Variants in PPP2R5D observed in about 807,000 individuals in gnomAD.
The protein encoded by PPP2R5D is serine/threonine-protein phosphatase 2A 56 kDa regulatory subunit delta isoform.
Under a neutral mutation model 79.1 loss-of-function variants are expected in PPP2R5D, and 12 were observed. The ratio of observed to expected loss-of-function variants is 0.15; its 90% CI spans 0.10 to 0.25. The LOEUF (loss-of-function observed/expected upper bound fraction) is 0.25. PPP2R5D is among the 10% of genes least tolerant of loss of function. The pLI, the probability that PPP2R5D is intolerant of heterozygous loss-of-function variation, is 1.00. For missense variants in PPP2R5D, 419 were observed against 760.2 expected, an observed-to-expected ratio of 0.55 and a Z score of 5.28; for synonymous variants, 277 against 286.6, an observed-to-expected ratio of 0.97 and a Z score of 0.34.
intron 2 of PPP2R5D, among the ~76,000 whole-genome samples, chr6:43,003,279 T>TG (rs1279500218): frequency 6.6e-6 from 1 of 151,838 alleles, no homozygotes; most frequent in Non-Finnish European, 1.5e-5. Context: ...AAAAAGTAGC[T>TG]GGCATGGTGG....
Position 43,004,974 on chromosome 6 carries a change from C to G in PPP2R5D, c.106-1489C>G, listed in dbSNP as rs958708829. 4.0e-5 allele frequency among the ~76,000 whole-genome samples: 6 copies of G among 151,724 alleles called. No individual in the cohort carries two copies. In the East Asian group the frequency reaches 1.2e-3, roughly 29 times the overall value. On this transcript the variant is annotated intron_variant, in intron 2 of 15. Coordinates refer to ENST00000485511, the MANE Select transcript of PPP2R5D (RefSeq NM_006245.4). The stretch of plus-strand genomic sequence containing the variant: ...CTTGCTGGCCAGCTGGTCTGGAACT[C>G]CTGACCTCAAGTGATACACCCACCT...
In PPP2R5D at chr6:43,010,097, C is replaced by A. The variant is rs1762280096; in HGVS notation, c.1380-371C>A. ...AAAAAAACTCAGGGTTTTGAAAAGA[C>A]TTTTCTGCTAAAAGCAAGCACACTG... On this transcript the variant is annotated intron_variant, in intron 12 of 15. Coordinates refer to ENST00000485511, the MANE Select transcript of PPP2R5D (RefSeq NM_006245.4). This position sits in a 1 kb window ranked among gnomAD's most constrained non-coding sequence, Gnocchi z 4.7. 6.6e-6 allele frequency among the ~76,000 whole-genome samples: 1 copy of A among 151,450 alleles called. No homozygotes were observed. Among genetic ancestry groups the A allele is most frequent in the Non-Finnish European group, 1.5e-5 (1 of 67,968 alleles).
rs1482823464 is a variant in PPP2R5D, at chr6:43,006,845, T to C, written c.323-66T>C. ...GCAGGGTGGGGTAAGGGAAAGCCCT[T>C]GAAGGCAAGCAGGGCATCGCAGTGA... On this transcript the variant is annotated intron_variant, in intron 3 of 15. Coordinates refer to ENST00000485511, the MANE Select transcript of PPP2R5D (RefSeq NM_006245.4). The surrounding 1 kb of genome is among the most constrained non-coding windows in gnomAD (Gnocchi z 4.7). The C allele has an allele frequency of 3.1e-6, 5 of 1,596,932 alleles. No homozygotes were observed. In the South Asian group the frequency reaches 5.5e-5, roughly 18 times the overall value.
intron 2 of PPP2R5D, among the ~76,000 whole-genome samples, chr6:42,993,171 C>G (rs1771392829): frequency 6.6e-6 from 1 of 152,132 alleles, no homozygotes; most frequent in Non-Finnish European, 1.5e-5. Context: ...GTGGCACATG[C>G]CTGTAATCCC....
chr6:43,011,053 A>G, intron 15 of PPP2R5D, 56 bp downstream of exon 15: 2 of 1,608,830 alleles, frequency 1.2e-6, no homozygotes, highest in Non-Finnish European at 1.7e-6. Context: ...AAGGGAGAGG[A>G]GACAGAAACA....
At chr6:43,005,141 CTTTTTT>C (rs762415952) in intron 2 of PPP2R5D, among the ~76,000 whole-genome samples, 1 of 120,056 alleles carries the variant, frequency 8.3e-6, no homozygotes, top group Non-Finnish European at 1.8e-5. Flanking sequence ...GTGCACAAAG[CTTTTTT>C]TTTTTTTTTT....
Position 43,006,843 on chromosome 6 carries a change from CT to C in PPP2R5D, c.323-66del. 1.9e-6 allele frequency: 3 copies of C among 1,598,826 alleles called. No homozygotes were observed. The highest frequency in any genetic ancestry group is 2.6e-6 in the Non-Finnish European group (3 of 1,169,160). ...TGGCAGGGTGGGGTAAGGGAAAGCC[CT>C]TGAAGGCAAGCAGGGCATCGCAGTG... On this transcript the variant is annotated intron_variant, in intron 3 of 15. Coordinates refer to ENST00000485511, the MANE Select transcript of PPP2R5D (RefSeq NM_006245.4). This position sits in a 1 kb window ranked among gnomAD's most constrained non-coding sequence, Gnocchi z 4.7.
At position 43,000,236 on chromosome 6, in the gene PPP2R5D, C is replaced by CTTTTTTTTTTTTTT. The variant is rs1204045076; in HGVS notation, c.106-6221_106-6208dup. On this transcript the variant is annotated intron_variant, in intron 2 of 15. Coordinates refer to ENST00000485511, the MANE Select transcript of PPP2R5D (RefSeq NM_006245.4). ...GGCGTGAGCCACCACGTCTGGCCACCTTTTTTTTTTTTTTTTTTTGAGATA... is the reference window on the plus strand; with the variant it reads ...GGCGTGAGCCACCACGTCTGGCCACCTTTTTTTTTTTTTTTTTTTTTTTTTTTTTTTTTGAGATA... Among the ~76,000 whole-genome samples the CTTTTTTTTTTTTTT allele has an allele frequency of 2.1e-4, 22 of 106,022 alleles. 2 individuals are homozygous for CTTTTTTTTTTTTTT. Among genetic ancestry groups the CTTTTTTTTTTTTTT allele is most frequent in the South Asian group, 6.2e-4 (2 of 3,246 alleles). 69.6% of individuals were successfully genotyped at this position (106,022 alleles called of 152,430 possible).
chr6:42,998,229 C>T (rs1287348574), intron 2 of PPP2R5D, among the ~76,000 whole-genome samples: 1 of 149,844 alleles, frequency 6.7e-6, no homozygotes, highest in Non-Finnish European at 1.5e-5. Context: ...TGCGTGCCAC[C>T]ACGCCCAGCT....
chr6:43,009,545 C>G lies in PPP2R5D; in HGVS notation c.1379+96C>G. ...AGAGCCAGGGGTCTCACCTAGTCAC[C>G]CAGCAAGTGGGGCTGATGTCCCCTG... On this transcript the variant is annotated intron_variant, in intron 12 of 15. Coordinates refer to ENST00000485511, the MANE Select transcript of PPP2R5D (RefSeq NM_006245.4). The surrounding 1 kb of genome is among the most constrained non-coding windows in gnomAD (Gnocchi z 5.6). 1 of 1,530,770 alleles carries G rather than the reference C, an allele frequency of 6.5e-7. No homozygotes were observed. 94.8% of individuals were successfully genotyped at this position (1,530,770 alleles called of 1,614,324 possible).
intron 1 of PPP2R5D, 151 bp downstream of exon 1, chr6:42,984,855 C>A: frequency 8.0e-7 from 1 of 1,257,554 alleles, no homozygotes; most frequent in Non-Finnish European, 1.1e-6. Context: ...CCGCGGCTGG[C>A]AGCACCCCCA....
intron 2 of PPP2R5D, among the ~76,000 whole-genome samples, chr6:43,002,117 C>T (rs1772261557): frequency 1.3e-5 from 2 of 151,864 alleles, no homozygotes; most frequent in Admixed American, 1.3e-4. Flanking sequence ...GGCAGTCTGG[C>T]CCAAGGTGTT....
At position 43,010,395 on chromosome 6, in the gene PPP2R5D, G is replaced by C. The variant is rs990497864; in HGVS notation, c.1380-73G>C. The C allele has an allele frequency of 7.5e-5, 92 of 1,223,000 alleles. No individual in the cohort carries two copies. The Middle Eastern group carries it at 7.5e-4, about 10-fold the overall frequency. The allele number at this position is 1,223,000 out of a possible 1,614,324, so 75.8% of individuals were successfully genotyped here. On this transcript the variant is annotated intron_variant, in intron 12 of 15. Transcript: ENST00000485511. This position sits in a 1 kb window ranked among gnomAD's most constrained non-coding sequence, Gnocchi z 4.7. ...GCTCTTAGCAGAGATACCCCTGTGA[G>C]AGAACAAATTGGGTTCCTCACGCTA...
chr6:43,005,724 C>T (rs887124841), intron 2 of PPP2R5D, among the ~76,000 whole-genome samples: 1 of 151,824 alleles, frequency 6.6e-6, no homozygotes, highest in South Asian at 2.1e-4. Flanking sequence ...TGGGTTCAAG[C>T]GATTCTCCTG....
chr6:42,985,775 C>CTTT (rs945324833), intron 1 of PPP2R5D, among the ~76,000 whole-genome samples: 14 of 118,298 alleles, frequency 1.2e-4, no homozygotes, highest in African/African-American at 2.6e-4. Context: ...CAGGCCATTT[C>CTTT]TTTTTTTTTT....
In PPP2R5D at chr6:43,006,648, T is replaced by C. The variant is rs983342004; in HGVS notation, c.291T>C (p.Asn97=). 6.2e-7 allele frequency: 1 copy of C among 1,614,016 alleles called. No homozygotes were observed. The highest frequency in any genetic ancestry group is 1.3e-5 in the African/African-American group (1 of 74,910). ...CCTCCCGCTTCAACCTCAGCAAGAA[T>C]CGGGAGCTGCAGAAGCTTCCTGCCC... ...QSSSRFNLSK[N]RELQKLPALK... Residue 97 remains asparagine, a synonymous_variant, in exon 3 of 16, where the codon AAT becomes AAC. Coordinates refer to ENST00000485511, the MANE Select transcript of PPP2R5D (RefSeq NM_006245.4). This position sits in a 1 kb window ranked among gnomAD's most constrained non-coding sequence, Gnocchi z 4.7.
intron 2 of PPP2R5D, among the ~76,000 whole-genome samples, chr6:42,994,592 A>G (rs916659141): frequency 1.3e-5 from 2 of 151,780 alleles, no homozygotes; most frequent in African/African-American, 4.8e-5. Flanking sequence ...ATCACCTGAG[A>G]TTGGGAGTTA....
Position 43,006,613 on chromosome 6 carries a change from C to A in PPP2R5D, c.256C>A (p.Arg86=), listed in dbSNP as rs751831580. 1 of 1,614,120 alleles carries A rather than the reference C, an allele frequency of 6.2e-7. No homozygotes were observed. The highest frequency in any genetic ancestry group is 1.1e-5 in the South Asian group (1 of 91,082). Reference sequence around the variant, plus strand: ...GCCCCAGATTGTCAAGAAGGAGCGACGGCAAAGCTCCTCCCGCTTCAACCT... The same window carrying A: ...GCCCCAGATTGTCAAGAAGGAGCGAAGGCAAAGCTCCTCCCGCTTCAACCT... ...GGPQIVKKER[R]QSSSRFNLSK... The change falls in exon 3 of 16, where the codon CGG becomes AGG. Residue 86 remains arginine, a synonymous_variant. Transcript: ENST00000485511. The surrounding 1 kb of genome is among the most constrained non-coding windows in gnomAD (Gnocchi z 4.7).
Position 43,006,373 on chromosome 6 carries a change from T to C in PPP2R5D, c.106-90T>C. On this transcript the variant is annotated intron_variant, in intron 2 of 15. Coordinates refer to ENST00000485511, the MANE Select transcript of PPP2R5D (RefSeq NM_006245.4). This position sits in a 1 kb window ranked among gnomAD's most constrained non-coding sequence, Gnocchi z 4.7. ...GACAGCTGCTCACTGCCCAGGCCTG[T>C]GCAGGCATAAACAGACTTGGGGATG... 6.6e-7 allele frequency: 1 copy of C among 1,523,014 alleles called. No individual in the cohort carries two copies. The highest frequency in any genetic ancestry group is 8.8e-7 in the Non-Finnish European group (1 of 1,134,802). The allele number at this position is 1,523,014 out of a possible 1,614,324, so 94.3% of individuals were successfully genotyped here.
Sources: allele counts gnomAD v4.1 joint callset (sites outside exome capture counted in the v4.1 genomes callset), GRCh38; gene constraint gnomAD v4.1.1; non-coding constraint Gnocchi (gnomAD v3.1); transcripts MANE v1.5; gene names NCBI Gene and HGNC (gene_info 2026-07-23, HGNC 2026-07-21).